Variants in CSN3 observed in about 807,000 individuals in gnomAD.
CSN3 encodes casein kappa, also known as kappa-casein.
A neutral mutation model predicts 9.9 loss-of-function variants in CSN3; 7 were observed. The ratio of observed to expected loss-of-function variants is 0.71; its 90% CI spans 0.40 to 1.33. The LOEUF (loss-of-function observed/expected upper bound fraction) is 1.33. CSN3 is among the 40% of genes most tolerant of loss of function. The probability of loss-of-function intolerance (pLI) is 0.01; values close to 1 mark genes in which losing one functional copy is unlikely to be tolerated. For missense variants in CSN3, 253 were observed against 227.9 expected, an observed-to-expected ratio of 1.11 and a Z score of -0.71; for synonymous variants, 88 against 82.3, an observed-to-expected ratio of 1.07 and a Z score of -0.37.
At chr4:70,242,565 T>A (rs1017885400), upstream of CSN3, 1 of 151,070 alleles carries the variant, frequency 6.6e-6, no homozygotes, top group African/African-American at 2.4e-5. Context: ...AAGGTACTAA[T>A]ACCCTTTAAT....
chr4:70,245,384 A>G (rs1357230248), intron 2 of CSN3, among the ~76,000 whole-genome samples: 2 of 152,066 alleles, frequency 1.3e-5, no homozygotes, highest in Non-Finnish European at 2.9e-5. Context: ...TGAATCATTA[A>G]CTTTTGTTAT....
intron 2 of CSN3, among the ~76,000 whole-genome samples, chr4:70,245,477 T>G (rs1249943419): frequency 6.6e-6 from 1 of 152,210 alleles, no homozygotes; most frequent in Non-Finnish European, 1.5e-5. Flanking sequence ...AGGCATTATC[T>G]TGAATTATAT....
chr4:70,242,269 T>G (rs1014857922), upstream of CSN3, among the ~76,000 whole-genome samples: 12 of 138,898 alleles, frequency 8.6e-5, 1 homozygote, highest in African/African-American at 2.5e-4. Flanking sequence ...CATCCTTCTC[T>G]GCATTTCTTT....
Position 70,249,247 on chromosome 4 carries a change from C to A in CSN3, c.337C>A (p.Leu113Met), listed in dbSNP as rs200375927. ...ACCCACTGTGGTACGTCGCCCAAAC[C>A]TGCATCCATCATTTATTGCCATCCC... Residue 113 changes from leucine to methionine, a missense_variant, in exon 4 of 5, where the codon CTG becomes ATG. Physicochemically the swap from Leu to Met is conservative, Grantham distance 15 (BLOSUM62 2). Transcript: ENST00000304954. The A allele has an allele frequency of 2.5e-6, 4 of 1,614,004 alleles. No homozygotes were observed. The East Asian group carries it at 6.7e-5, about 27-fold the overall frequency.
intron 2 of CSN3, among the ~76,000 whole-genome samples, chr4:70,245,138 A>G (rs1730354104): frequency 6.6e-6 from 1 of 152,094 alleles, no homozygotes. Context: ...TGCTATAGAG[A>G]AAATACATTC....
At chr4:70,250,299 AT>A (rs3836686) in intron 4 of CSN3, among the ~76,000 whole-genome samples, 17,364 of 152,156 alleles carry the variant, frequency 0.11, 1,308 homozygotes, top group East Asian at 0.27. Context: ...TACAACAAAT[AT>A]TTTCAGTCCA....
At chr4:70,245,006 G>T (rs1730350001) in intron 2 of CSN3, 133 bp downstream of exon 2, 4 of 411,706 alleles carry the variant, frequency 9.7e-6, no homozygotes, top group African/African-American at 8.3e-5. Flanking sequence ...CATTTTTAAG[G>T]TTAATTTTTT....
chr4:70,247,588 G>C (rs1236392943), intron 2 of CSN3, among the ~76,000 whole-genome samples: 1 of 151,926 alleles, frequency 6.6e-6, no homozygotes, highest in East Asian at 1.9e-4. Context: ...ATTCTAGGTG[G>C]TGATGTTTAA....
At chr4:70,248,898 C>T in intron 3 of CSN3, 100 bp from the exon 4 acceptor site, 2 of 783,132 alleles carry the variant, frequency 2.6e-6, no homozygotes, top group Non-Finnish European at 3.9e-6. Context: ...ATATCTTACT[C>T]AATGGTAAAT....
chr4:70,238,890 G>A (rs914199530), upstream of CSN3, among the ~76,000 whole-genome samples: 1 of 151,816 alleles, frequency 6.6e-6, no homozygotes, highest in East Asian at 1.9e-4. Flanking sequence ...GACTAGTGGA[G>A]AACTAGTCGT....
intron 1 of CSN3, among the ~76,000 whole-genome samples, chr4:70,244,465 T>A (rs560418386): frequency 6.6e-6 from 1 of 152,148 alleles, no homozygotes; most frequent in Admixed American, 6.6e-5. Flanking sequence ...CATTTTCTAC[T>A]TTTTTTCCCT....
At chr4:70,240,945 T>C (rs771288723), upstream of CSN3, among the ~76,000 whole-genome samples, 6 of 151,970 alleles carry the variant, frequency 3.9e-5, no homozygotes, top group Non-Finnish European at 8.8e-5. Flanking sequence ...AACATGTTTT[T>C]ATCTTGGTGG....
exon 4 of CSN3, chr4:70,249,474 T>C: frequency 6.3e-7 from 1 of 1,588,936 alleles, no homozygotes; most frequent in South Asian, 1.1e-5. Context: ...ACCAAGGAAA[T>C]ATCAAAGAAC....
At chr4:70,239,706 T>C (rs897468966), upstream of CSN3, among the ~76,000 whole-genome samples, 4 of 151,944 alleles carry the variant, frequency 2.6e-5, no homozygotes, top group Non-Finnish European at 5.9e-5. Context: ...ATTGTGGCTG[T>C]CTACTATACT....
chr4:70,238,419 C>A (rs1299495598), upstream of CSN3, among the ~76,000 whole-genome samples: 1 of 151,528 alleles, frequency 6.6e-6, no homozygotes, highest in Non-Finnish European at 1.5e-5. Context: ...GTCATTGAAA[C>A]CAGCACACAG....
upstream of CSN3, among the ~76,000 whole-genome samples, chr4:70,242,052 T>A (rs1730281036): frequency 6.6e-6 from 1 of 152,016 alleles, no homozygotes; most frequent in African/African-American, 2.4e-5. Flanking sequence ...GAAATCCAGG[T>A]TCTTAAACTA....
upstream of CSN3, among the ~76,000 whole-genome samples, chr4:70,239,978 T>C (rs539193173): frequency 6.6e-6 from 1 of 152,082 alleles, no homozygotes; most frequent in East Asian, 1.9e-4. Context: ...TGTTCATCAT[T>C]TACTTTGCAA....
intron 2 of CSN3, among the ~76,000 whole-genome samples, chr4:70,245,526 G>GT (rs1308316324): frequency 1.3e-5 from 2 of 152,112 alleles, no homozygotes; most frequent in African/African-American, 2.4e-5. Context: ...AAAAGGTTCT[G>GT]TTTTTTTCTT....
intron 2 of CSN3, among the ~76,000 whole-genome samples, chr4:70,247,446 C>G (rs546959608): frequency 2.0e-5 from 3 of 152,064 alleles, no homozygotes; most frequent in Non-Finnish European, 4.4e-5. Flanking sequence ...AGGCTCAATG[C>G]TCCTCTAATT....
Sources: gnomAD v4.1 joint callset for allele counts (sites outside exome capture counted in the v4.1 genomes callset) on GRCh38, gnomAD v4.1.1 for gene constraint, MANE v1.5 for transcripts, NCBI Gene and HGNC (gene_info 2026-07-23, HGNC 2026-07-21) for gene names.